Variants in AGFG1 observed in about 807,000 individuals in gnomAD.
AGFG1 encodes ArfGAP with FG repeats 1.
A neutral mutation model predicts 60.6 loss-of-function variants in AGFG1; 10 were observed. The ratio of observed to expected loss-of-function variants is 0.16; its 90% confidence interval spans 0.10 to 0.28. The LOEUF (loss-of-function observed/expected upper bound fraction) is 0.28, where lower values mean the gene tolerates loss of function less well. AGFG1 is among the 10% of genes least tolerant of loss of function. The pLI, the probability that AGFG1 is intolerant of heterozygous loss-of-function variation, is 1.00. For synonymous variants in AGFG1, 247 were observed against 242.9 expected (o/e 1.02, Z -0.16); for missense variants, 537 against 676.5 (o/e 0.79, Z 2.29).
At position 227,552,028 on chromosome 2, in the gene AGFG1, C is replaced by G; in HGVS notation, c.1448C>G (p.Pro483Arg). 1 of 1,614,182 alleles carries G rather than the reference C, an allele frequency of 6.2e-7. No homozygotes were observed. The highest frequency in any genetic ancestry group is 1.1e-5 in the South Asian group (1 of 91,086). ...GGCACTCCTGCTCCCTACAGTCTTC[C>G]CACCAGCTTTAGTGGCAGCTTTCAG... ...GFGTPAPYSL[P>R]TSFSGSFQQP... Residue 483 changes from proline to arginine, a missense_variant, in exon 11 of 13, where the codon CCC (proline) becomes CGC (arginine). Pro to Arg is a moderately radical substitution (Grantham distance 103). This residue lies in a region of AGFG1 where 287 missense variants were observed against 343.6 expected (regional missense o/e 0.84). Coordinates refer to ENST00000310078, the MANE Select transcript of AGFG1 (RefSeq NM_004504.5).
chr2:227,516,753 C>G (rs1453431862), intron 2 of AGFG1, among the ~76,000 whole-genome samples: 2 of 152,034 alleles, frequency 1.3e-5, no homozygotes, highest in African/African-American at 4.8e-5. Flanking sequence ...TATTTGTATG[C>G]TTATTATTTA....
intron 1 of AGFG1, among the ~76,000 whole-genome samples, chr2:227,480,820 A>G (rs1289511817): frequency 6.6e-6 from 1 of 152,206 alleles, no homozygotes; most frequent in Non-Finnish European, 1.5e-5. Flanking sequence ...AAAGCCACAA[A>G]GCTGAAAATG....
intron 2 of AGFG1, chr2:227,510,766 T>C (rs914098883): frequency 6.6e-6 from 1 of 152,188 alleles, no homozygotes; most frequent in African/African-American, 2.4e-5. Context: ...TGAAATAAGG[T>C]ATGGGTATGT....
Position 227,472,264 on chromosome 2 carries a change from C to A in AGFG1, c.-158C>A. The A allele has an allele frequency of 3.7e-6, 1 of 272,306 alleles. No individual in the cohort carries two copies. Among genetic ancestry groups the A allele is most frequent in the Non-Finnish European group, 5.6e-6 (1 of 178,300 alleles). The allele number at this position is 272,306 out of a possible 1,614,324, so 16.9% of individuals were successfully genotyped here. On this transcript the variant is annotated 5_prime_UTR_variant, in exon 1 of 13. Coordinates refer to ENST00000310078, the MANE Select transcript of AGFG1 (RefSeq NM_004504.5). Reference sequence around the variant, plus strand: ...ACCACAGCGCCCGGGCCGCGTCGAGCCCAGTACAGCCAAGCCGCTGCGGCC... The same window carrying A: ...ACCACAGCGCCCGGGCCGCGTCGAGACCAGTACAGCCAAGCCGCTGCGGCC...
intron 1 of AGFG1, among the ~76,000 whole-genome samples, chr2:227,483,906 G>A (rs1053813396): frequency 6.6e-6 from 1 of 151,868 alleles, no homozygotes; most frequent in African/African-American, 2.4e-5. Context: ...CCTTTTACTT[G>A]TGGAATTCCG....
At chr2:227,491,488 G>A in intron 1 of AGFG1, 59 bp from the exon 2 acceptor site, 1 of 1,047,684 alleles carries the variant, frequency 9.5e-7, no homozygotes, top group South Asian at 1.7e-5. Context: ...ATTACTAGAT[G>A]TGTCATTTTA....
chr2:227,499,887 G>A (rs572649763), intron 2 of AGFG1, among the ~76,000 whole-genome samples: 5 of 152,288 alleles, frequency 3.3e-5, no homozygotes, highest in African/African-American at 1.2e-4. Flanking sequence ...TATGGGACAC[G>A]GACGCAGCCC....
intron 7 of AGFG1, 97 bp downstream of exon 7, chr2:227,533,855 AGTT>A (rs1289466721): frequency 1.3e-5 from 15 of 1,168,048 alleles, no homozygotes; most frequent in Admixed American, 9.9e-5. Context: ...CACTTTTCTC[AGTT>A]GTTGTATAGA....
At chr2:227,550,532 TGTC>T (rs34245658) in intron 10 of AGFG1, among the ~76,000 whole-genome samples, 9,697 of 152,298 alleles carry the variant, frequency 0.064, 422 homozygotes, top group Non-Finnish European at 0.086. Context: ...GTCGGTGCAT[TGTC>T]GTCTGTTATG....
In AGFG1 at chr2:227,554,455, A is replaced by G. The variant is rs142099733; in HGVS notation, c.1649A>G (p.Gln550Arg). ...NPFMTGAPTG[Q>R]FPTGSSSTNP... ...CTTTAGACTGGTGCACCAACAGGACAATTTCCAACAGGAAGCTCATCAACC... is the reference window on the plus strand; with the variant it reads ...CTTTAGACTGGTGCACCAACAGGACGATTTCCAACAGGAAGCTCATCAACC... Residue 550 changes from glutamine (Q) to arginine (R), a missense_variant, in exon 13 of 13, where the codon CAA becomes CGA. By Grantham distance (43) the Gln-to-Arg change is conservative. Transcript: ENST00000310078. 9.2e-5 allele frequency: 149 copies of G among 1,613,568 alleles called. No homozygotes were observed. Among genetic ancestry groups the G allele is most frequent in the Middle Eastern group, 1.6e-4 (1 of 6,078 alleles).
intron 2 of AGFG1, among the ~76,000 whole-genome samples, chr2:227,511,412 T>G (rs1478183713): frequency 2.0e-5 from 3 of 152,142 alleles, no homozygotes; most frequent in Admixed American, 2.0e-4. Context: ...TTTGTTGCAG[T>G]TAATGCTGAT....
intron 6 of AGFG1, among the ~76,000 whole-genome samples, chr2:227,531,589 C>T (rs1269608888): frequency 3.1e-5 from 4 of 129,786 alleles, no homozygotes; most frequent in Non-Finnish European, 6.6e-5. Context: ...CCACCACTCC[C>T]AGCTAAATTT....
intron 2 of AGFG1, among the ~76,000 whole-genome samples, chr2:227,514,841 C>T (rs1691607377): frequency 6.6e-6 from 1 of 152,100 alleles, no homozygotes; most frequent in Admixed American, 6.6e-5. Flanking sequence ...AGCCCCTCAC[C>T]CCCACTTTTA....
intron 10 of AGFG1, among the ~76,000 whole-genome samples, chr2:227,544,599 G>A (rs1371859667): frequency 6.6e-6 from 1 of 152,166 alleles, no homozygotes; most frequent in Non-Finnish European, 1.5e-5. Flanking sequence ...ACTGGTACCG[G>A]TTGTTCTTTC....
intron 8 of AGFG1, 124 bp from the exon 9 acceptor site, chr2:227,536,501 T>G: frequency 1.5e-6 from 1 of 668,124 alleles, no homozygotes; most frequent in Non-Finnish European, 2.6e-6. Flanking sequence ...ATGTCTTAAT[T>G]TTCTTTGTGT....
rs370705307 is a variant in AGFG1, at chr2:227,502,093, A to AG, written c.261+10454dup. 2.1e-3 allele frequency among the ~76,000 whole-genome samples: 320 copies of AG among 152,222 alleles called. 3 individuals carry two copies. Among genetic ancestry groups the AG allele is most frequent in the African/African-American group, 7.3e-3 (304 of 41,542 alleles). Reference sequence around the variant, plus strand: ...AAGTTGGTCTCAAACTCCTGACTAAAGCGATCCACCTGTCTTGGCCTCCCA... The same window carrying AG: ...AAGTTGGTCTCAAACTCCTGACTAAAGGCGATCCACCTGTCTTGGCCTCCCA... On this transcript the variant is annotated intron_variant, in intron 2 of 12. Coordinates refer to ENST00000310078, the MANE Select transcript of AGFG1 (RefSeq NM_004504.5).
chr2:227,472,999 A>T (rs1416035044), intron 1 of AGFG1, among the ~76,000 whole-genome samples: 1 of 146,376 alleles, frequency 6.8e-6, no homozygotes, highest in Non-Finnish European at 1.5e-5. Context: ...GGGGAGGTCC[A>T]TGCGGGTCCT....
chr2:227,504,572 A>C (rs1185644137), intron 2 of AGFG1, among the ~76,000 whole-genome samples: 1 of 152,242 alleles, frequency 6.6e-6, no homozygotes, highest in Admixed American at 6.5e-5. Context: ...AACTATTAAC[A>C]TTTTAAAGTG....
chr2:227,532,013 G>C (rs1692177251), intron 6 of AGFG1: 10 of 679,720 alleles, frequency 1.5e-5, no homozygotes, highest in Non-Finnish European at 2.1e-5. Context: ...CCCTTATTTA[G>C]ATTTTTGGCT....
Sources: gnomAD v4.1 joint callset for allele counts (sites outside exome capture counted in the v4.1 genomes callset) on GRCh38, gnomAD v4.1.1 for gene constraint, gnomAD v4.1.1 regional missense constraint, MANE v1.5 for transcripts, NCBI Gene and HGNC (gene_info 2026-07-23, HGNC 2026-07-21) for gene names.